Variants in TP63 observed in about 807,000 individuals in gnomAD.
TP63 encodes tumor protein 63.
In TP63, 17 loss-of-function variants were observed where a neutral mutation model predicts 82.8. That is an observed-to-expected ratio of 0.21 (90% confidence interval 0.14 to 0.31). The LOEUF is 0.31. Among genes scored for constraint, TP63 ranks in the 10% least tolerant of loss-of-function variants. The pLI is 1.00. For missense variants in TP63, 648 were observed against 895.3 expected, an observed-to-expected ratio of 0.72 and a Z score of 3.52; for synonymous variants, 330 against 321.7, an observed-to-expected ratio of 1.03 and a Z score of -0.28.
intron 3 of TP63, among the ~76,000 whole-genome samples, chr3:189,805,350 A>G (rs1726769142): frequency 6.6e-6 from 1 of 152,230 alleles, no homozygotes; most frequent in South Asian, 2.1e-4. Context: ...CCCAGAAAGT[A>G]TGGCCTCTGT....
intron 1 of TP63, among the ~76,000 whole-genome samples, chr3:189,640,040 A>G (rs924115658): frequency 6.6e-6 from 1 of 151,860 alleles, no homozygotes; most frequent in Non-Finnish European, 1.5e-5. Context: ...CTTCTTTATT[A>G]TTTTCTGGCT....
Position 189,889,373 on chromosome 3 carries a change from G to A in TP63, c.1541G>A (p.Gly514Glu). The stretch of plus-strand genomic sequence containing the variant: ...ATGGGCACCCACATGCCAATGGCTG[G>A]AGACATGAATGGACTCAGCCCCACC... ...PMMGTHMPMA[G>E]DMNGLSPTQA... The change falls in exon 12 of 14, where the codon GGA (glycine) becomes GAA (glutamate). Residue 514 changes from glycine (G) to glutamate (E), a missense_variant. Gly to Glu is a moderately conservative substitution (Grantham distance 98). Around this residue, in one of 5 missense-constraint regions of TP63, gnomAD observed 342 missense variants for 425.7 expected, o/e 0.80. Coordinates refer to ENST00000264731, the MANE Select transcript of TP63 (RefSeq NM_003722.5). 2 of 1,614,138 alleles carry A rather than the reference G, an allele frequency of 1.2e-6. No individual in the cohort carries two copies. Among genetic ancestry groups the A allele is most frequent in the Non-Finnish European group, 8.5e-7 (1 of 1,180,008 alleles).
rs1727143052 is a variant in TP63, at chr3:189,808,316, G to A, written c.369G>A (p.Gln123=). 1 of 1,614,182 alleles carries A rather than the reference G, an allele frequency of 6.2e-7. No homozygotes were observed. Among genetic ancestry groups the A allele is most frequent in the East Asian group, 2.2e-5 (1 of 44,868 alleles). ...GGCTCCTGAACAGCATGGACCAGCA[G>A]ATTCAGAACGGCTCCTCGTCCACCA... ...NLGLLNSMDQ[Q]IQNGSSSTSP... is the part of the protein sequence containing the mutation. The change falls in exon 4 of 14, where the codon CAG becomes CAA. Residue 123 remains glutamine (Q), a synonymous_variant. Coordinates refer to ENST00000264731, the MANE Select transcript of TP63 (RefSeq NM_003722.5).
At chr3:189,754,161 C>CT (rs1212764014) in intron 3 of TP63, among the ~76,000 whole-genome samples, 4 of 152,048 alleles carry the variant, frequency 2.6e-5, no homozygotes, top group South Asian at 2.1e-4. Context: ...GCATGCACCT[C>CT]TTTTTTTTAT....
intron 10 of TP63, among the ~76,000 whole-genome samples, chr3:189,882,556 A>G (rs2108846138): frequency 6.6e-6 from 1 of 151,974 alleles, no homozygotes; most frequent in Admixed American, 6.6e-5. Flanking sequence ...TTTACTGCAG[A>G]AATGGTTTGT....
At chr3:189,782,394 C>G (rs1028952321) in intron 3 of TP63, among the ~76,000 whole-genome samples, 18 of 152,118 alleles carry the variant, frequency 1.2e-4, no homozygotes, top group Non-Finnish European at 1.5e-5. Context: ...TGACCATTTG[C>G]CATGGTGGCA....
chr3:189,871,341 A>G (rs1269633472), intron 9 of TP63, among the ~76,000 whole-genome samples: 2 of 152,206 alleles, frequency 1.3e-5, no homozygotes, highest in Non-Finnish European at 2.9e-5. Flanking sequence ...CCTTCTATTG[A>G]GGACACAAAC....
intron 1 of TP63, among the ~76,000 whole-genome samples, chr3:189,734,647 G>A (rs1164637010): frequency 6.6e-6 from 1 of 152,016 alleles, no homozygotes; most frequent in Non-Finnish European, 1.5e-5. Context: ...TCAATTTTCA[G>A]CAGATGGCCT....
intron 1 of TP63, among the ~76,000 whole-genome samples, chr3:189,650,476 TG>T (rs1332821494): frequency 6.8e-6 from 1 of 146,472 alleles, no homozygotes; most frequent in Non-Finnish European, 1.5e-5. Context: ...GATTGAATCA[TG>T]GGGGCAGTTT....
chr3:189,817,428 G>A (rs564814952), intron 4 of TP63, among the ~76,000 whole-genome samples: 1 of 152,120 alleles, frequency 6.6e-6, no homozygotes, highest in Admixed American at 6.5e-5. Flanking sequence ...TATGAACTGG[G>A]GCAGGTCTTT....
chr3:189,809,151 C>G (rs569528202), intron 4 of TP63, among the ~76,000 whole-genome samples: 1 of 151,624 alleles, frequency 6.6e-6, no homozygotes, highest in African/African-American at 2.4e-5. Flanking sequence ...ACATTCTTTT[C>G]GAAAAGAAAG....
chr3:189,763,306 T>G (rs1269989011), intron 3 of TP63, among the ~76,000 whole-genome samples: 2 of 152,150 alleles, frequency 1.3e-5, no homozygotes, highest in African/African-American at 4.8e-5. Flanking sequence ...AGGGTACTGC[T>G]GGGCTATATT....
chr3:189,801,107 A>T (rs1726258230), intron 3 of TP63, among the ~76,000 whole-genome samples: 1 of 152,166 alleles, frequency 6.6e-6, no homozygotes, highest in Admixed American at 6.5e-5. Context: ...AATATTTTTA[A>T]ACTCACTTTC....
At chr3:189,882,988 G>T (rs969384723) in intron 10 of TP63, among the ~76,000 whole-genome samples, 3 of 152,082 alleles carry the variant, frequency 2.0e-5, no homozygotes, top group African/African-American at 7.2e-5. Context: ...ACAACCTGAG[G>T]TATACACCTT....
chr3:189,800,038 G>A (rs1726121113), intron 3 of TP63, among the ~76,000 whole-genome samples: 1 of 152,040 alleles, frequency 6.6e-6, no homozygotes, highest in South Asian at 2.1e-4. Context: ...TATACATATA[G>A]TTAATTTCTA....
the TP63 span, among the ~76,000 whole-genome samples, chr3:189,605,810 C>T: frequency 2.1e-4 from 32 of 151,856 alleles, no homozygotes; most frequent in African/African-American, 7.7e-4. Flanking sequence ...AAGCAGTAAG[C>T]GAAGATAAGC....
intron 10 of TP63, among the ~76,000 whole-genome samples, chr3:189,878,002 C>G (rs758200078): frequency 6.6e-6 from 1 of 152,012 alleles, no homozygotes; most frequent in Non-Finnish European, 1.5e-5. Flanking sequence ...AGGCACACCC[C>G]ACTGTGCCTG....
At chr3:189,771,140 C>T (rs1404844695) in intron 3 of TP63, among the ~76,000 whole-genome samples, 1 of 151,084 alleles carries the variant, frequency 6.6e-6, no homozygotes, top group Non-Finnish European at 1.5e-5. Flanking sequence ...ATATTTTATA[C>T]TAACATTAAA....
chr3:189,650,926 T>G (rs1712834616), intron 1 of TP63, among the ~76,000 whole-genome samples: 1 of 146,800 alleles, frequency 6.8e-6, no homozygotes, highest in South Asian at 2.2e-4. Flanking sequence ...GACAGGAAGA[T>G]GTGGGAAGGT....
Sources: gnomAD v4.1 joint callset for allele counts (sites outside exome capture counted in the v4.1 genomes callset) on GRCh38, gnomAD v4.1.1 for gene constraint, gnomAD v4.1.1 regional missense constraint, MANE v1.5 for transcripts, NCBI Gene and HGNC (gene_info 2026-07-23, HGNC 2026-07-21) for gene names.